The following GALNT5 variants were observed in gnomAD, a reference collection of about 807,000 sequenced individuals.
The protein encoded by GALNT5 is UDP-GalNAc:polypeptide N-acetylgalactosaminyltransferase 5.
A neutral mutation model predicts 85.4 loss-of-function variants in GALNT5; 72 were observed. That is an observed-to-expected ratio of 0.84 (90% CI 0.70 to 1.03). The LOEUF is 1.03. Ranked by LOEUF, GALNT5 falls within the 50% of genes least tolerant of loss-of-function variation. GALNT5 has a pLI of 0.00. For synonymous variants in GALNT5, 404 were observed against 397.0 expected, an observed-to-expected ratio of 1.02 and a Z score of -0.21; for missense variants, 1,137 against 1,135.5, an observed-to-expected ratio of 1.00 and a Z score of -0.02.
At position 157,313,096 on chromosome 2, in the gene GALNT5, C is replaced by G. The variant is rs1683612159; in HGVS notation, c.*1748C>G. On this transcript the variant is annotated 3_prime_UTR_variant, in exon 10 of 10. Coordinates refer to ENST00000259056, the MANE Select transcript of GALNT5 (RefSeq NM_014568.3). ...AAACTGCAGATGAGTAAGAGAATGA[C>G]TAGGAAATGAGATACAGTTATATGA... The G allele has an allele frequency of 6.6e-6, 1 of 152,068 alleles. No homozygotes were observed. Among genetic ancestry groups the G allele is most frequent in the South Asian group, 2.1e-4 (1 of 4,820 alleles). The allele number at this position is 152,068 out of a possible 1,614,324, so 9.4% of individuals were successfully genotyped here. A position where few individuals can be genotyped will look rare whatever the true frequency, so the allele number is the denominator to read the frequency against.
In GALNT5 at chr2:157,314,202, CCTTTA is replaced by C. The variant is rs1394622348; in HGVS notation, c.*2860_*2864del. The C allele has an allele frequency of 6.7e-6, 1 of 148,572 alleles. No individual in the cohort carries two copies. The highest frequency in any genetic ancestry group is 2.5e-5 in the African/African-American group (1 of 39,508). 9.2% of individuals were successfully genotyped at this position (148,572 alleles called of 1,614,324 possible). A position where few individuals can be genotyped will look rare whatever the true frequency, so the allele number is the denominator to read the frequency against. On this transcript the variant is annotated 3_prime_UTR_variant, in exon 10 of 10. Transcript: ENST00000259056. ...TTCCCTGGATTAGCTTAGGTCATTG[CCTTTA>C]CTTTAAAAAAAAAAAAAAAAAGTCT...
At chr2:157,299,403 T>G (rs1683290308) in intron 5 of GALNT5, 145 bp from the exon 6 acceptor site, 2 of 599,898 alleles carry the variant, frequency 3.3e-6, no homozygotes, top group African/African-American at 3.7e-5. Flanking sequence ...TTAAGCCCTA[T>G]TTGTGACTCC....
At chr2:157,294,445 C>G (rs764582049) in intron 3 of GALNT5, among the ~76,000 whole-genome samples, 9 of 152,146 alleles carry the variant, frequency 5.9e-5, no homozygotes, top group Non-Finnish European at 1.3e-4. Context: ...GAGTCAGAGT[C>G]GAGCAAAGTG....
chr2:157,274,908 G>C (rs998294878), intron 1 of GALNT5, among the ~76,000 whole-genome samples: 5 of 152,152 alleles, frequency 3.3e-5, no homozygotes, highest in Non-Finnish European at 7.4e-5. Context: ...CCTTGCCCAT[G>C]CCTATGTCCT....
At chr2:157,262,069 A>C (rs1226613585) in intron 1 of GALNT5, among the ~76,000 whole-genome samples, 2 of 152,228 alleles carry the variant, frequency 1.3e-5, no homozygotes, top group East Asian at 3.8e-4. Context: ...ATCCTACTGC[A>C]ACCTTTAAAT....
intron 7 of GALNT5, among the ~76,000 whole-genome samples, chr2:157,304,796 G>T (rs1683418423): frequency 6.6e-6 from 1 of 152,134 alleles, no homozygotes; most frequent in African/African-American, 2.4e-5. Flanking sequence ...ATGTAAAATT[G>T]AGGACCAATG....
rs182359914 is a variant in GALNT5 at position 157,300,232 on chromosome 2, T to C, written c.2116-444T>C. Reference sequence around the variant, plus strand: ...GCTTTCCTATTGGGTGGGTGTTCTGTATGTATGTAAAAGGGTGTAATTTTG... The same window carrying C: ...GCTTTCCTATTGGGTGGGTGTTCTGCATGTATGTAAAAGGGTGTAATTTTG... On this transcript the variant is annotated intron_variant, in intron 6 of 9. Transcript: ENST00000259056. 9.0e-4 allele frequency among the ~76,000 whole-genome samples: 137 copies of C among 152,232 alleles called. 1 individual carries two copies. The highest frequency in any genetic ancestry group is 1.8e-3 in the Non-Finnish European group (123 of 68,012).
rs774401833 is a variant in GALNT5, at chr2:157,259,285, C to G, written c.1203C>G (p.Pro401=). ...PAKINITAKA[P]STEYNQSHIK... ...AAATCAACATAACTGCCAAAGCCCC[C>G]TCTACAGAATACAACCAGAGTCATA... The change falls in exon 1 of 10, where the codon CCC becomes CCG. Residue 401 remains proline (P), a synonymous_variant. Transcript: ENST00000259056. 5.0e-6 allele frequency: 8 copies of G among 1,610,392 alleles called. No homozygotes were observed. In the Admixed American group the frequency reaches 1.3e-4, roughly 27 times the overall value.
In GALNT5 at chr2:157,317,174, G is replaced by GTGTATA. The variant is rs1361221350; in HGVS notation, c.*5827_*5828insGTATAT. On this transcript the variant is annotated 3_prime_UTR_variant, in exon 10 of 10. Transcript: ENST00000259056. Reference sequence around the variant, plus strand: ...TTTTGTAAATATACTGTATGTGTGTGTATATATATATATATATATATATAT... The same window carrying GTGTATA: ...TTTTGTAAATATACTGTATGTGTGTGTGTATATATATATATATATATATATATATAT... 7.2e-6 allele frequency among the ~76,000 whole-genome samples: 1 copy of GTGTATA among 139,322 alleles called. No individual in the cohort carries two copies. The highest frequency in any genetic ancestry group is 2.6e-5 in the African/African-American group (1 of 37,952). The allele number at this position is 139,322 out of a possible 152,430, so 91.4% of individuals were successfully genotyped here.
intron 1 of GALNT5, 51 bp from the exon 2 acceptor site, chr2:157,284,230 CT>C (rs1682919354): frequency 6.6e-7 from 1 of 1,512,014 alleles, no homozygotes; most frequent in South Asian, 1.1e-5. Flanking sequence ...TTAAAACTAT[CT>C]TGTGGATCTC....
intron 6 of GALNT5, 35 bp from the exon 7 acceptor site, chr2:157,300,640 AT>A (rs1362229102): frequency 6.7e-6 from 10 of 1,496,264 alleles, no homozygotes; most frequent in Non-Finnish European, 8.4e-6. Context: ...GTGGATAATC[AT>A]TTGATAATTG....
chr2:157,301,413 T>C (rs1272098847), intron 7 of GALNT5: 3 of 212,592 alleles, frequency 1.4e-5, no homozygotes, highest in Non-Finnish European at 1.9e-5. Flanking sequence ...TTAGAGTGGC[T>C]GAGAAATCCT....
chr2:157,277,071 C>A (rs964089678), intron 1 of GALNT5, among the ~76,000 whole-genome samples: 1 of 152,032 alleles, frequency 6.6e-6, no homozygotes, highest in Non-Finnish European at 1.5e-5. Context: ...GCCTTCATTT[C>A]GTTATTTACT....
rs902186527 is a variant in GALNT5, at chr2:157,314,048, G to A, written c.*2700G>A. Reference sequence around the variant, plus strand: ...AGCATAGCCTTCTAAATTTTTTCAGGAGATTAGAATAAAGGTATACATGCT... The same window carrying A: ...AGCATAGCCTTCTAAATTTTTTCAGAAGATTAGAATAAAGGTATACATGCT... On this transcript the variant is annotated 3_prime_UTR_variant, in exon 10 of 10. Transcript: ENST00000259056. The A allele has an allele frequency of 1.3e-5, 2 of 151,922 alleles. No individual in the cohort carries two copies. Among genetic ancestry groups the A allele is most frequent in the Non-Finnish European group, 2.9e-5 (2 of 67,992 alleles). 9.4% of individuals were successfully genotyped at this position (151,922 alleles called of 1,614,324 possible).
intron 1 of GALNT5, 115 bp from the exon 2 acceptor site, chr2:157,284,167 T>C (rs1682916042): frequency 1.3e-6 from 1 of 757,474 alleles, no homozygotes. Flanking sequence ...ACCAGACAGA[T>C]CGATGACAGA....
At chr2:157,279,590 G>T (rs887311608) in intron 1 of GALNT5, among the ~76,000 whole-genome samples, 29 of 152,230 alleles carry the variant, frequency 1.9e-4, no homozygotes, top group African/African-American at 7.0e-4. Context: ...TGCTAGCAGT[G>T]AGCAAGGTTC....
At chr2:157,260,939 C>G (rs1471228825) in intron 1 of GALNT5, among the ~76,000 whole-genome samples, 3 of 152,188 alleles carry the variant, frequency 2.0e-5, no homozygotes, top group Non-Finnish European at 4.4e-5. Context: ...AACTGAGGCC[C>G]TGGGATGCTA....
At chr2:157,269,230 C>A (rs547686845) in intron 1 of GALNT5, among the ~76,000 whole-genome samples, 3 of 152,280 alleles carry the variant, frequency 2.0e-5, no homozygotes, top group Admixed American at 6.5e-5. Context: ...TTGAACAAAA[C>A]AAGCACACTA....
rs76048355 is a variant in GALNT5, at chr2:157,295,517, T to C, written c.1742-146T>C. 1,343 of 616,302 alleles carry C rather than the reference T, an allele frequency of 2.2e-3. 13 individuals are homozygous for C. The African/African-American group carries it at 0.024, about 11-fold the overall frequency. The allele number at this position is 616,302 out of a possible 1,614,324, so 38.2% of individuals were successfully genotyped here. ...CTCATTTCAGTATGAAATGAAATTA[T>C]AGTGACCACGAATTCAGAAAAAAAA... On this transcript the variant is annotated intron_variant, in intron 3 of 9. Coordinates refer to ENST00000259056, the MANE Select transcript of GALNT5 (RefSeq NM_014568.3).
Sources: gnomAD v4.1 joint callset for allele counts (sites outside exome capture counted in the v4.1 genomes callset) on GRCh38, gnomAD v4.1.1 for gene constraint, MANE v1.5 for transcripts, NCBI Gene and HGNC (gene_info 2026-07-23, HGNC 2026-07-21) for gene names.